WDSUB1: variants seen among roughly 807,000 people sequenced by gnomAD.
The protein encoded by WDSUB1 is WD repeat, sterile alpha motif and U-box domain containing 1, also known as WD repeat, SAM and U-box domain-containing protein 1.
Under a neutral mutation model 53.9 loss-of-function variants are expected in WDSUB1, and 49 were observed. The ratio of observed to expected loss-of-function variants is 0.91; its 90% CI spans 0.72 to 1.15. The LOEUF (loss-of-function observed/expected upper bound fraction) is 1.15, where lower values mean the gene tolerates loss of function less well. Among genes scored for constraint, WDSUB1 ranks in the 50% most tolerant of loss-of-function variants. The pLI, the probability that WDSUB1 is intolerant of heterozygous loss-of-function variation, is 0.00. For missense variants in WDSUB1, 514 were observed against 562.0 expected (o/e 0.91, Z 0.86); for synonymous variants, 194 against 200.6 (o/e 0.97, Z 0.28).
intron 1 of WDSUB1, among the ~76,000 whole-genome samples, chr2:159,283,794 G>T (rs2061729409): frequency 6.6e-6 from 1 of 152,252 alleles, no homozygotes; most frequent in Middle Eastern, 3.4e-3. Flanking sequence ...TCGGCCCTGG[G>T]GGTTGGGGAT....
In WDSUB1 at chr2:159,268,113, G is replaced by A. The variant is rs575705046; in HGVS notation, c.770+3589C>T. On this transcript the variant is annotated intron_variant, in intron 5 of 10. Coordinates refer to ENST00000359774, the MANE Select transcript of WDSUB1 (RefSeq NM_001128212.3). ...TAAAATGAACTTAACACAATATTGA[G>A]TATCACTTAACACTTCCTCCATGAC... 4.2e-4 allele frequency among the ~76,000 whole-genome samples: 64 copies of A among 152,292 alleles called. No homozygotes were observed. The South Asian group carries it at 0.012, about 29-fold the overall frequency.
intron 2 of WDSUB1, among the ~76,000 whole-genome samples, chr2:159,280,708 A>AAAAAAAAAAAAAAAACAAAAAAAC (rs111752652): frequency 7.4e-6 from 1 of 134,322 alleles, no homozygotes; most frequent in African/African-American, 3.4e-5. Flanking sequence ...AAAAAAAAAA[A>AAAAAAAAAAAAAAAACAAAAAAAC]ATTACCCAGA....
chr2:159,280,519 G>A (rs371510985), intron 2 of WDSUB1, among the ~76,000 whole-genome samples: 3 of 149,778 alleles, frequency 2.0e-5, no homozygotes, highest in South Asian at 4.3e-4. Context: ...GTGAAACCCC[G>A]TCTCTACTAA....
At chr2:159,246,042 C>T (rs1466614642) in intron 10 of WDSUB1, among the ~76,000 whole-genome samples, 1 of 152,072 alleles carries the variant, frequency 6.6e-6, no homozygotes, top group Admixed American at 6.6e-5. Flanking sequence ...GGGGAAAAAA[C>T]TTGAAGATAT....
intron 2 of WDSUB1, among the ~76,000 whole-genome samples, chr2:159,282,224 G>A (rs150753198): frequency 0.029 from 4,317 of 151,314 alleles, 194 homozygotes; most frequent in African/African-American, 0.094. Flanking sequence ...ACGGAGACTC[G>A]GTCTGTCACC....
intron 5 of WDSUB1, among the ~76,000 whole-genome samples, chr2:159,262,904 C>T (rs1359728690): frequency 1.3e-5 from 2 of 152,134 alleles, no homozygotes; most frequent in African/African-American, 4.8e-5. Context: ...TGCTATAGTT[C>T]CTCCCCCAAA....
intron 8 of WDSUB1, among the ~76,000 whole-genome samples, chr2:159,257,276 A>G (rs780230131): frequency 1.1e-4 from 16 of 152,200 alleles, no homozygotes; most frequent in Non-Finnish European, 2.1e-4. Context: ...TGCTGGGATT[A>G]TAAGTGTGAG....
chr2:159,250,098 AAAAAAAAAAG>A (rs922243836), intron 9 of WDSUB1, among the ~76,000 whole-genome samples: 8 of 150,568 alleles, frequency 5.3e-5, no homozygotes, highest in African/African-American at 1.7e-4. Flanking sequence ...CAAAAAAAAA[AAAAAAAAAAG>A]AAGGGAAGGG....
intron 6 of WDSUB1, among the ~76,000 whole-genome samples, chr2:159,258,487 C>T (rs1276126739): frequency 1.3e-5 from 2 of 152,126 alleles, no homozygotes; most frequent in African/African-American, 4.8e-5. Flanking sequence ...GGTGAAACCC[C>T]ATCCCTATTA....
At position 159,258,027 on chromosome 2, in the gene WDSUB1, A is replaced by G. The variant is rs1409342394; in HGVS notation, c.805-42T>C. On this transcript the variant is annotated intron_variant, in intron 6 of 10. Coordinates refer to ENST00000359774, the MANE Select transcript of WDSUB1 (RefSeq NM_001128212.3). ...ACAGCTTTAAATTTACTCAAGTAAG[A>G]GTAAAGTTACTGATGAAGACTCATT... 6 of 1,577,302 alleles carry G rather than the reference A, an allele frequency of 3.8e-6. No homozygotes were observed. The South Asian group carries it at 6.7e-5, about 18-fold the overall frequency.
intron 10 of WDSUB1, among the ~76,000 whole-genome samples, chr2:159,243,835 A>T (rs767992550): frequency 1.3e-5 from 2 of 152,234 alleles, no homozygotes; most frequent in Admixed American, 1.3e-4. Context: ...AGCACTATAT[A>T]TAACAGCCAA....
chr2:159,252,991 T>C (rs1337791863), intron 9 of WDSUB1, among the ~76,000 whole-genome samples: 1 of 152,240 alleles, frequency 6.6e-6, no homozygotes, highest in African/African-American at 2.4e-5. Flanking sequence ...TCTATCATTT[T>C]ATCTTCTATA....
At chr2:159,276,799 T>C (rs982072475) in intron 3 of WDSUB1, among the ~76,000 whole-genome samples, 1 of 152,158 alleles carries the variant, frequency 6.6e-6, no homozygotes, top group Non-Finnish European at 1.5e-5. Flanking sequence ...CACCAGGAGT[T>C]TGAGACCAGG....
In WDSUB1 at chr2:159,257,742, T is replaced by C; in HGVS notation, c.952+16A>G. On this transcript the variant is annotated intron_variant, in intron 8 of 10. Coordinates refer to ENST00000359774, the MANE Select transcript of WDSUB1 (RefSeq NM_001128212.3). ...GAGTGGGGTTGAAATGAGTGAAAAA[T>C]GATGTCCTTACTAACCTTGGCAAAG... The C allele has an allele frequency of 6.2e-7, 1 of 1,605,802 alleles. No homozygotes were observed.
intron 3 of WDSUB1, 134 bp from the exon 4 acceptor site, chr2:159,275,772 CAT>C: frequency 1.5e-6 from 1 of 647,634 alleles, no homozygotes; most frequent in Non-Finnish European, 2.5e-6. Context: ...TAACTTATAT[CAT>C]TTAACAAAAT....
intron 5 of WDSUB1, among the ~76,000 whole-genome samples, chr2:159,264,729 T>A (rs182011788): frequency 1.3e-5 from 2 of 152,084 alleles, no homozygotes; most frequent in African/African-American, 4.8e-5. Context: ...GGCAAGTGGG[T>A]TGCCGATCAA....
chr2:159,265,986 A>G (rs2061338285), intron 5 of WDSUB1, among the ~76,000 whole-genome samples: 1 of 152,216 alleles, frequency 6.6e-6, no homozygotes, highest in African/African-American at 2.4e-5. Context: ...CATTAAAAAG[A>G]TCTTCAAAAA....
intron 2 of WDSUB1, among the ~76,000 whole-genome samples, chr2:159,281,589 T>G (rs1451487793): frequency 6.6e-6 from 1 of 152,232 alleles, no homozygotes; most frequent in Non-Finnish European, 1.5e-5. Flanking sequence ...ATGAGGTTCC[T>G]TCTTCTGGGC....
chr2:159,244,905 G>A (rs866294720), intron 10 of WDSUB1, among the ~76,000 whole-genome samples: 1 of 152,072 alleles, frequency 6.6e-6, no homozygotes, highest in South Asian at 2.1e-4. Context: ...ATGCCAACCT[G>A]GGCAACAGAA....
Sources: gnomAD v4.1 joint callset for allele counts (sites outside exome capture counted in the v4.1 genomes callset) on GRCh38, gnomAD v4.1.1 for gene constraint, MANE v1.5 for transcripts, NCBI Gene and HGNC (gene_info 2026-07-23, HGNC 2026-07-21) for gene names.